Variants in OR56A3 observed in about 807,000 individuals in gnomAD.
The protein encoded by OR56A3 is olfactory receptor 56A3.
Under a neutral mutation model 17.5 loss-of-function variants are expected in OR56A3, and 23 were observed. The ratio of observed to expected loss-of-function variants is 1.32; its 90% confidence interval spans 0.95 to 1.87. OR56A3 has a LOEUF of 1.87. Ranked by LOEUF, OR56A3 falls within the 40% of genes most tolerant of loss-of-function variation. The probability of loss-of-function intolerance (pLI) is 0.00; values close to 1 mark genes in which losing one functional copy is unlikely to be tolerated. For missense variants in OR56A3, 366 were observed against 380.1 expected, an observed-to-expected ratio of 0.96 and a Z score of 0.31; for synonymous variants, 175 against 150.6, an observed-to-expected ratio of 1.16 and a Z score of -1.19.
At chr11:6,019,132 C>A in the OR56A3 span, among the ~76,000 whole-genome samples, 1 of 151,856 alleles carries the variant, frequency 6.6e-6, no homozygotes, top group Non-Finnish European at 1.5e-5. Flanking sequence ...TAAAACTACT[C>A]CAAAAAATTA....
the OR56A3 span, among the ~76,000 whole-genome samples, chr11:5,964,217 A>G: frequency 3.3e-5 from 5 of 152,284 alleles, no homozygotes; most frequent in Non-Finnish European, 7.4e-5. Flanking sequence ...ATACATCTCC[A>G]TGTCTTCAGG....
the OR56A3 span, among the ~76,000 whole-genome samples, chr11:5,964,392 G>C: frequency 6.6e-6 from 1 of 152,214 alleles, no homozygotes; most frequent in African/African-American, 2.4e-5. Flanking sequence ...CAATAAGCCT[G>C]TCCAGAGATT....
the OR56A3 span, among the ~76,000 whole-genome samples, chr11:5,978,198 G>C: frequency 6.6e-6 from 1 of 151,994 alleles, no homozygotes. Context: ...GTTCTTTTTG[G>C]TTCTATATGA....
At chr11:5,965,737 C>G in the OR56A3 span, among the ~76,000 whole-genome samples, 1 of 152,128 alleles carries the variant, frequency 6.6e-6, no homozygotes, top group Non-Finnish European at 1.5e-5. Context: ...GGGAGATACA[C>G]ACATGACTCA....
the OR56A3 span, among the ~76,000 whole-genome samples, chr11:6,005,747 C>T: frequency 6.6e-6 from 1 of 152,176 alleles, no homozygotes; most frequent in African/African-American, 2.4e-5. Flanking sequence ...TGTGTCCTGA[C>T]ATGGTGAAAG....
chr11:5,990,815 A>G, the OR56A3 span, among the ~76,000 whole-genome samples: 52 of 152,204 alleles, frequency 3.4e-4, no homozygotes, highest in Non-Finnish European at 6.3e-4. Flanking sequence ...GTCTTTGATG[A>G]TGTGCCCTTT....
At chr11:5,984,642 C>T in the OR56A3 span, among the ~76,000 whole-genome samples, 2 of 152,162 alleles carry the variant, frequency 1.3e-5, no homozygotes, top group African/African-American at 4.8e-5. Context: ...ATGTGCAATT[C>T]CTCCTGCAAT....
the OR56A3 span, among the ~76,000 whole-genome samples, chr11:6,015,014 A>AAAAAAAAAAAAAAAAG: frequency 6.6e-6 from 1 of 150,614 alleles, no homozygotes; most frequent in African/African-American, 2.4e-5. Context: ...AAAAAAAAAA[A>AAAAAAAAAAAAAAAAG]ATGACCTGAA....
chr11:6,016,257 C>T, the OR56A3 span, among the ~76,000 whole-genome samples: 1 of 152,120 alleles, frequency 6.6e-6, no homozygotes, highest in Non-Finnish European at 1.5e-5. Flanking sequence ...GTAAAATCTC[C>T]CTGAAGCCTC....
At chr11:5,997,603 G>GTGA in the OR56A3 span, among the ~76,000 whole-genome samples, 1 of 152,182 alleles carries the variant, frequency 6.6e-6, no homozygotes, top group South Asian at 2.1e-4. Flanking sequence ...TATTGGGATA[G>GTGA]TGATTAACAG....
chr11:6,021,021 C>G, the OR56A3 span: 1 of 151,928 alleles, frequency 6.6e-6, no homozygotes, highest in Admixed American at 6.6e-5. Flanking sequence ...GTATAGCAGT[C>G]CTTCTCAAGT....
the OR56A3 span, among the ~76,000 whole-genome samples, chr11:5,997,073 C>T: frequency 1.3e-5 from 2 of 152,286 alleles, no homozygotes; most frequent in South Asian, 4.1e-4. Flanking sequence ...CTCACTGAGT[C>T]TCCTGGTCTA....
the OR56A3 span, among the ~76,000 whole-genome samples, chr11:6,013,096 C>CCAGGGGTG: frequency 2.0e-5 from 3 of 152,228 alleles, no homozygotes; most frequent in African/African-American, 7.2e-5. Flanking sequence ...TGTGGGACTC[C>CCAGGGGTG]TGCCCAAGAG....
chr11:6,017,296 T>A, the OR56A3 span, among the ~76,000 whole-genome samples: 234 of 152,242 alleles, frequency 1.5e-3, 1 homozygote, highest in African/African-American at 5.5e-3. Flanking sequence ...GATTTAGATA[T>A]CTAGATATAG....
the OR56A3 span, chr11:6,021,269 T>TA: frequency 4.6e-5 from 7 of 152,042 alleles, no homozygotes; most frequent in East Asian, 3.9e-4. Flanking sequence ...CTTTAGAATT[T>TA]AAAAAATGTA....
rs931254255 is a variant in OR56A3 at position 5,950,968 on chromosome 11, T to A, written c.*2674T>A. The stretch of plus-strand genomic sequence containing the variant: ...ATCTTATAATACAGTTATATTTATA[T>A]TATTTTGTTTTGGCTATAATTTTTC... On this transcript the variant is annotated 3_prime_UTR_variant, in exon 3 of 3. Transcript: ENST00000641160. The A allele has an allele frequency of 2.6e-5, 4 of 152,150 alleles. No homozygotes were observed. Among genetic ancestry groups the A allele is most frequent in the African/African-American group, 9.7e-5 (4 of 41,450 alleles). The allele number at this position is 152,150 out of a possible 1,614,324, so 9.4% of individuals were successfully genotyped here.
At chr11:6,015,073 T>C in the OR56A3 span, among the ~76,000 whole-genome samples, 1 of 135,462 alleles carries the variant, frequency 7.4e-6, no homozygotes, top group Non-Finnish European at 1.5e-5. Flanking sequence ...GTTTGAAAAA[T>C]TTGCAGCCTG....
At chr11:5,985,738 G>A in the OR56A3 span, among the ~76,000 whole-genome samples, 2 of 152,128 alleles carry the variant, frequency 1.3e-5, no homozygotes, top group Admixed American at 1.3e-4. Context: ...AGAAAAAATG[G>A]CAAAAATATT....
the OR56A3 span, chr11:5,994,104 G>A: frequency 8.2e-6 from 4 of 488,834 alleles, no homozygotes; most frequent in Non-Finnish European, 1.6e-5. Context: ...GGTGCTGCCT[G>A]TCTGCTTAGG....
Sources: gnomAD v4.1 joint callset for allele counts (sites outside exome capture counted in the v4.1 genomes callset) on GRCh38, gnomAD v4.1.1 for gene constraint, MANE v1.5 for transcripts, NCBI Gene and HGNC (gene_info 2026-07-23, HGNC 2026-07-21) for gene names.